ARHGAP10: variants seen among roughly 807,000 people sequenced by gnomAD.
ARHGAP10 encodes Rho GTPase activating protein 10.
A neutral mutation model predicts 108.6 loss-of-function variants in ARHGAP10; 87 were observed. The observed-to-expected ratio is 0.80, with a 90% CI of 0.67 to 0.96. ARHGAP10 has a LOEUF of 0.96. Ranked by LOEUF, ARHGAP10 falls within the 40% of genes least tolerant of loss-of-function variation. The pLI is 0.00. For synonymous variants in ARHGAP10, 347 were observed against 341.1 expected, an observed-to-expected ratio of 1.02 and a Z score of -0.19; for missense variants, 939 against 954.5, an observed-to-expected ratio of 0.98 and a Z score of 0.21.
chr4:147,903,227 A>G (rs1464832931), intron 10 of ARHGAP10, among the ~76,000 whole-genome samples: 1 of 152,216 alleles, frequency 6.6e-6, no homozygotes, highest in East Asian at 1.9e-4. Flanking sequence ...TAGCTCCTCC[A>G]GAGTGTGCTT....
At chr4:147,882,114 A>G (rs907227926) in intron 10 of ARHGAP10, among the ~76,000 whole-genome samples, 182 bp downstream of exon 10, 1 of 152,088 alleles carries the variant, frequency 6.6e-6, no homozygotes, top group Non-Finnish European at 1.5e-5. Context: ...CTATGGGGTG[A>G]TAGTTTCATC....
At position 148,027,806 on chromosome 4, in the gene ARHGAP10, G is replaced by T. The variant is rs548639376; in HGVS notation, c.1867+4393G>T. Among the ~76,000 whole-genome samples the T allele has an allele frequency of 3.4e-4, 52 of 152,258 alleles. 1 individual carries two copies. In the South Asian group the frequency reaches 8.3e-3, roughly 24 times the overall value. ...GTTTGATTTTGAGGCATGAGCAAGA[G>T]AACAGAAAACTAGAAAGCAGGCCAC... On this transcript the variant is annotated intron_variant, in intron 19 of 22. Coordinates refer to ENST00000336498, the MANE Select transcript of ARHGAP10 (RefSeq NM_024605.4).
intron 1 of ARHGAP10, among the ~76,000 whole-genome samples, chr4:147,765,408 A>C (rs1472735064): frequency 6.6e-6 from 1 of 151,588 alleles, no homozygotes; most frequent in Non-Finnish European, 1.5e-5. Flanking sequence ...ACTGCAAAGT[A>C]ATGGGTGTGT....
intron 1 of ARHGAP10, among the ~76,000 whole-genome samples, chr4:147,809,898 A>G (rs1731947255): frequency 6.6e-6 from 1 of 152,186 alleles, no homozygotes; most frequent in Non-Finnish European, 1.5e-5. Flanking sequence ...GCTATACGCC[A>G]AGGAGATTTA....
At chr4:147,764,408 T>G (rs1729710151) in intron 1 of ARHGAP10, among the ~76,000 whole-genome samples, 1 of 151,782 alleles carries the variant, frequency 6.6e-6, no homozygotes, top group African/African-American at 2.4e-5. Flanking sequence ...CTATAGGAAG[T>G]GCCTGTTCTG....
intron 20 of ARHGAP10, among the ~76,000 whole-genome samples, chr4:148,050,025 A>G (rs1729062541): frequency 6.6e-6 from 1 of 151,944 alleles, no homozygotes; most frequent in African/African-American, 2.4e-5. Flanking sequence ...GTGCCACCGC[A>G]CTGGCTACTT....
chr4:147,905,676 A>G (rs544925163), intron 10 of ARHGAP10, among the ~76,000 whole-genome samples: 10,835 of 145,948 alleles, frequency 0.074, 1,170 homozygotes, highest in African/African-American at 0.24. Flanking sequence ...TGATGCCTCC[A>G]GCTTTGTTCT....
chr4:147,843,112 G>A (rs567444859), intron 3 of ARHGAP10, among the ~76,000 whole-genome samples: 2 of 152,126 alleles, frequency 1.3e-5, no homozygotes, highest in South Asian at 2.1e-4. Context: ...TTTGTACTGG[G>A]CACCCCTTTT....
chr4:147,767,928 T>G (rs994747609), intron 1 of ARHGAP10, among the ~76,000 whole-genome samples: 2 of 152,180 alleles, frequency 1.3e-5, no homozygotes, highest in Non-Finnish European at 2.9e-5. Context: ...AGCAAAGATA[T>G]GAGATTATCA....
intron 14 of ARHGAP10, among the ~76,000 whole-genome samples, chr4:147,945,541 AG>A (rs1455074918): frequency 1.3e-4 from 20 of 152,208 alleles, no homozygotes; most frequent in African/African-American, 4.6e-4. Flanking sequence ...TTAATGTGAA[AG>A]GTTAACTGTA....
chr4:147,873,722 A>ACT (rs1553959015), intron 7 of ARHGAP10, among the ~76,000 whole-genome samples: 1 of 144,338 alleles, frequency 6.9e-6, no homozygotes, highest in African/African-American at 2.6e-5. Context: ...ACACACACAC[A>ACT]CTCTTGGCCT....
At position 147,857,593 on chromosome 4, in the gene ARHGAP10, A is replaced by C. The variant is rs758574810; in HGVS notation, c.425A>C (p.Tyr142Ser). 6.7e-7 allele frequency: 1 copy of C among 1,487,358 alleles called. No homozygotes were observed. Among genetic ancestry groups the C allele is most frequent in the Non-Finnish European group, 8.9e-7 (1 of 1,120,838 alleles). 92.1% of individuals were successfully genotyped at this position (1,487,358 alleles called of 1,614,324 possible). The change falls in exon 5 of 23, where the codon TAT becomes TCT. Residue 142 changes from tyrosine to serine, a missense_variant. Coordinates refer to ENST00000336498, the MANE Select transcript of ARHGAP10 (RefSeq NM_024605.4). ...KKFDKETEKN[Y>S]SLIDKHLNLS... ...TTTGACAAAGAGACAGAAAAGAATT[A>C]TAGTCTAATTGATAAACATTTGAAT...
At chr4:147,756,883 GTT>G (rs766069125) in intron 1 of ARHGAP10, among the ~76,000 whole-genome samples, 1 of 142,370 alleles carries the variant, frequency 7.0e-6, no homozygotes, top group African/African-American at 2.6e-5. Context: ...TTGTGTAATT[GTT>G]TTTTTTTTTT....
intron 13 of ARHGAP10, among the ~76,000 whole-genome samples, chr4:147,928,225 C>A (rs1560830664): frequency 6.6e-6 from 1 of 152,188 alleles, no homozygotes; most frequent in Non-Finnish European, 1.5e-5. Context: ...GTCAGTACTT[C>A]CAAAAATACG....
rs553004975 is a variant in ARHGAP10, at chr4:147,817,591, C to A, written c.155-5136C>A. On this transcript the variant is annotated intron_variant, in intron 1 of 22. Coordinates refer to ENST00000336498, the MANE Select transcript of ARHGAP10 (RefSeq NM_024605.4). ...AACTCAGCACATCTCAAATATAACC[C>A]CTCATCTCTCAAACTGCTCCTAACC... is the stretch of plus-strand genomic sequence containing the variant. 3.0e-4 allele frequency among the ~76,000 whole-genome samples: 46 copies of A among 152,254 alleles called. 1 individual carries two copies. The highest frequency in any genetic ancestry group is 9.4e-4 in the African/African-American group (39 of 41,546).
chr4:147,920,204 G>A (rs1737178390), intron 13 of ARHGAP10, among the ~76,000 whole-genome samples: 1 of 151,674 alleles, frequency 6.6e-6, no homozygotes, highest in Non-Finnish European at 1.5e-5. Context: ...ATCACCTGAG[G>A]TCAGGAGTTT....
chr4:147,928,789 C>T (rs1737559597), intron 13 of ARHGAP10, among the ~76,000 whole-genome samples: 1 of 152,136 alleles, frequency 6.6e-6, no homozygotes, highest in Admixed American at 6.5e-5. Flanking sequence ...ATGTATCGTG[C>T]CTGGCTATTT....
In ARHGAP10 at chr4:147,939,915, A is replaced by C; in HGVS notation, c.1303+16A>C. 1 of 1,603,868 alleles carries C rather than the reference A, an allele frequency of 6.2e-7. No individual in the cohort carries two copies. Among genetic ancestry groups the C allele is most frequent in the Non-Finnish European group, 8.5e-7 (1 of 1,171,976 alleles). Reference sequence around the variant, plus strand: ...ATGTTGATGGGTATGCCTCTTTTCTAATCATTTTTCCATGTGTTATTTGTG... The same window carrying C: ...ATGTTGATGGGTATGCCTCTTTTCTCATCATTTTTCCATGTGTTATTTGTG... On this transcript the variant is annotated intron_variant, in intron 14 of 22. Transcript: ENST00000336498.
intron 15 of ARHGAP10, among the ~76,000 whole-genome samples, chr4:147,952,934 G>A (rs536587789): frequency 3.3e-5 from 5 of 151,978 alleles, no homozygotes; most frequent in Non-Finnish European, 7.4e-5. Context: ...TTTTACATAA[G>A]ATATGAGGTA....
Sources: allele counts gnomAD v4.1 joint callset (sites outside exome capture counted in the v4.1 genomes callset), GRCh38; gene constraint gnomAD v4.1.1; transcripts MANE v1.5; gene names NCBI Gene and HGNC (gene_info 2026-07-23, HGNC 2026-07-21).